The following TDG variants were observed in gnomAD, a reference collection of about 807,000 sequenced individuals.
TDG encodes G/T mismatch-specific thymine DNA glycosylase.
A neutral mutation model predicts 46.1 loss-of-function variants in TDG; 23 were observed. That is an observed-to-expected ratio of 0.50 (90% CI 0.36 to 0.71). The LOEUF is 0.71. Among genes scored for constraint, TDG ranks in the 30% least tolerant of loss-of-function variants. TDG has a pLI of 0.00. For synonymous variants in TDG, 115 were observed against 161.3 expected, an observed-to-expected ratio of 0.71 and a Z score of 2.18; for missense variants, 304 against 486.7, an observed-to-expected ratio of 0.62 and a Z score of 3.53.
At chr12:103,978,232 G>T (rs1403782980) in intron 2 of TDG, among the ~76,000 whole-genome samples, 2 of 152,120 alleles carry the variant, frequency 1.3e-5, no homozygotes, top group East Asian at 3.9e-4. Context: ...TGGCTAATGG[G>T]TTTCATGTGT....
intron 8 of TDG, 72 bp downstream of exon 8, chr12:103,984,992 T>TACAC (rs1555275177): frequency 8.0e-7 from 1 of 1,257,246 alleles, no homozygotes; most frequent in Non-Finnish European, 1.1e-6. Flanking sequence ...TACATATATA[T>TACAC]ACACATATAC....
In TDG at chr12:103,978,644, A is replaced by G. The variant is rs566803112; in HGVS notation, c.167-1187A>G. 3.9e-5 allele frequency among the ~76,000 whole-genome samples: 6 copies of G among 152,338 alleles called. No homozygotes were observed. The South Asian group carries it at 1.0e-3, about 26-fold the overall frequency. On this transcript the variant is annotated intron_variant, in intron 2 of 9. Transcript: ENST00000392872. ...GGGAAACGCCAAAGAGGAGTAGAAT[A>G]GGGTAGAAGCCTGAGTAGTTAGGAG...
Position 103,966,052 on chromosome 12 carries a change from C to G in TDG, c.15C>G (p.Asn5Lys). Residue 5 changes from asparagine (N) to lysine (K), a missense_variant, in exon 1 of 10, where the codon AAC becomes AAG. By Grantham distance (94) the Asn-to-Lys change is moderately conservative (BLOSUM62 0). Transcript: ENST00000392872. Reference sequence around the variant, plus strand: ...GGCCTCGGGGAATGGAAGCGGAGAACGCGGGCAGGTAATACCGGGGCCAGC... The same window carrying G: ...GGCCTCGGGGAATGGAAGCGGAGAAGGCGGGCAGGTAATACCGGGGCCAGC... MEAE[N>K]AGSYSLQQAQ... 6.3e-7 allele frequency: 1 copy of G among 1,593,638 alleles called. No homozygotes were observed. Among genetic ancestry groups the G allele is most frequent in the Non-Finnish European group, 8.5e-7 (1 of 1,170,916 alleles).
intron 1 of TDG, among the ~76,000 whole-genome samples, chr12:103,976,059 CAA>C (rs142710697): frequency 1.3e-4 from 19 of 142,286 alleles, no homozygotes; most frequent in Non-Finnish European, 1.1e-4. Context: ...ATAGCAGTGG[CAA>C]AAAAAAAAAG....
intron 9 of TDG, 145 bp from the exon 10 acceptor site, chr12:103,986,803 C>G: frequency 1.3e-6 from 1 of 787,794 alleles, no homozygotes; most frequent in South Asian, 1.9e-5. Context: ...GAGGATCACT[C>G]AAGCCCAGGA....
intron 1 of TDG, among the ~76,000 whole-genome samples, chr12:103,975,929 T>C (rs894147053): frequency 3.3e-5 from 5 of 151,632 alleles, no homozygotes; most frequent in African/African-American, 9.7e-5. Context: ...CCCAAAGTGC[T>C]GGGTTTACAG....
chr12:103,982,760 G>T, intron 4 of TDG, 39 bp from the exon 5 acceptor site: 1 of 1,607,548 alleles, frequency 6.2e-7, no homozygotes. Flanking sequence ...GCGAGACCCT[G>T]TCTAAAAAAA....
Position 103,985,663 on chromosome 12 carries a change from A to G in TDG, c.1025A>G (p.Tyr342Cys), listed in dbSNP as rs142534613. 3 of 1,614,030 alleles carry G rather than the reference A, an allele frequency of 1.9e-6. No homozygotes were observed. The highest frequency in any genetic ancestry group is 2.7e-5 in the African/African-American group (2 of 74,960). ...TATGATCCAGGTTATGAGGCAGCAT[A>G]TGGTGGTGCTTACGGAGAAAATCCA... The part of the protein sequence containing the change: ...EKYDPGYEAA[Y>C]GGAYGENPCS... Residue 342 changes from tyrosine to cysteine, a missense_variant, in exon 9 of 10, where the codon TAT (tyrosine) becomes TGT (cysteine). Physicochemically the swap from Tyr to Cys is radical, Grantham distance 194. Transcript: ENST00000392872.
At chr12:103,981,362 A>G (rs1453332996) in intron 4 of TDG, among the ~76,000 whole-genome samples, 1 of 148,626 alleles carries the variant, frequency 6.7e-6, no homozygotes, top group African/African-American at 2.5e-5. Context: ...CAGCCTCCCT[A>G]GTAGCTGGGA....
At chr12:103,972,673 C>T (rs1434771500) in intron 1 of TDG, among the ~76,000 whole-genome samples, 1 of 152,130 alleles carries the variant, frequency 6.6e-6, no homozygotes. Context: ...ATGCCACAGT[C>T]CATTTTTAGA....
chr12:103,973,991 T>G (rs1397274883), intron 1 of TDG, among the ~76,000 whole-genome samples: 3 of 152,204 alleles, frequency 2.0e-5, no homozygotes, highest in Admixed American at 2.0e-4. Context: ...TTCTCACTCA[T>G]TCTTAATCTT....
chr12:103,973,031 G>T (rs1264567063), intron 1 of TDG: 1 of 701,674 alleles, frequency 1.4e-6, no homozygotes, highest in Admixed American at 2.0e-5. Flanking sequence ...ACATGGGAGA[G>T]TGGTAGGTAG....
intron 1 of TDG, among the ~76,000 whole-genome samples, chr12:103,968,623 G>A (rs916247851): frequency 1.3e-5 from 2 of 152,316 alleles, no homozygotes; most frequent in East Asian, 3.9e-4. Context: ...AGAAGTTTCA[G>A]GTGTTCTAAC....
chr12:103,985,186 C>T (rs868525719), intron 8 of TDG, among the ~76,000 whole-genome samples: 15 of 134,464 alleles, frequency 1.1e-4, no homozygotes, highest in Non-Finnish European at 1.8e-4. Flanking sequence ...CACACACACA[C>T]ACACACACAC....
rs950580978 is a variant in TDG at position 103,983,359 on chromosome 12, T to C, written c.762T>C (p.Leu254=). The change falls in exon 7 of 10, where the codon CTT becomes CTC. Residue 254 remains leucine, a synonymous_variant. Coordinates refer to ENST00000392872, the MANE Select transcript of TDG (RefSeq NM_003211.6). ...GVKVKNLEFG[L]QPHKIPDTET... is the part of the protein sequence containing the mutation. Reference sequence around the variant, plus strand: ...AGGTTAAGAACTTGGAATTTGGGCTTCAGCCCCATAAGATTCCAGACACAG... The same window carrying C: ...AGGTTAAGAACTTGGAATTTGGGCTCCAGCCCCATAAGATTCCAGACACAG... 5.0e-6 allele frequency: 8 copies of C among 1,595,568 alleles called. No homozygotes were observed. Among genetic ancestry groups the C allele is most frequent in the Non-Finnish European group, 6.8e-6 (8 of 1,174,498 alleles).
At chr12:103,986,065 A>G (rs900924467) in intron 9 of TDG, among the ~76,000 whole-genome samples, 3 of 152,032 alleles carry the variant, frequency 2.0e-5, no homozygotes, top group East Asian at 3.9e-4. Flanking sequence ...GACTACAGGC[A>G]TCCGCCACGA....
chr12:103,965,889 G>A lies in TDG; in HGVS notation c.-149G>A, dbSNP rs1473651667. 1 of 1,266,984 alleles carries A rather than the reference G, an allele frequency of 7.9e-7. No homozygotes were observed. The highest frequency in any genetic ancestry group is 1.5e-5 in the South Asian group (1 of 67,768). 78.5% of individuals were successfully genotyped at this position (1,266,984 alleles called of 1,614,324 possible). ...GGGACGGTAGAAGCCTGGAGGAGGAGCTTGAGTCCAGCCACTGTCTGGGTA... is the reference window on the plus strand; with the variant it reads ...GGGACGGTAGAAGCCTGGAGGAGGAACTTGAGTCCAGCCACTGTCTGGGTA... On this transcript the variant is annotated 5_prime_UTR_variant, in exon 1 of 10. Coordinates refer to ENST00000392872, the MANE Select transcript of TDG (RefSeq NM_003211.6).
At chr12:103,975,208 A>T (rs909206473) in intron 1 of TDG, among the ~76,000 whole-genome samples, 1 of 152,084 alleles carries the variant, frequency 6.6e-6, no homozygotes, top group Non-Finnish European at 1.5e-5. Context: ...TATTTTTTTT[A>T]ATTGTTTTCT....
Position 103,984,748 on chromosome 12 carries a change from G to A in TDG, c.793-1G>A. 1 of 473,776 alleles carries A rather than the reference G, an allele frequency of 2.1e-6. No homozygotes were observed. The highest frequency in any genetic ancestry group is 2.6e-6 in the Non-Finnish European group (1 of 387,136). The allele number at this position is 473,776 out of a possible 1,614,324, so 29.3% of individuals were successfully genotyped here. A position where few individuals can be genotyped will look rare whatever the true frequency, so the allele number is the denominator to read the frequency against. The stretch of plus-strand genomic sequence containing the variant: ...GAAATTATAAAATGTTGTGATTCTA[G>A]CTCTGCTATGTTATGCCATCATCCA... On this transcript the variant is annotated splice_acceptor_variant, in intron 7 of 9. Transcript: ENST00000392872. LOFTEE classifies it high-confidence loss of function.
Sources: allele counts gnomAD v4.1 joint callset (sites outside exome capture counted in the v4.1 genomes callset), GRCh38; gene constraint gnomAD v4.1.1; transcripts MANE v1.5; gene names NCBI Gene and HGNC (gene_info 2026-07-23, HGNC 2026-07-21).